PIKFYVE: variants seen among roughly 807,000 people sequenced by gnomAD.
The protein encoded by PIKFYVE is phosphoinositide kinase, FYVE-type zinc finger containing.
PIKFYVE carries 122 observed loss-of-function variants against 257.9 expected under a neutral mutation model. That is an observed-to-expected ratio of 0.47 (90% CI 0.41 to 0.55). The LOEUF is 0.55. Among genes scored for constraint, PIKFYVE ranks in the 20% least tolerant of loss-of-function variants. The pLI is 0.00. For missense variants in PIKFYVE, 2,160 were observed against 2,536.6 expected, an observed-to-expected ratio of 0.85 and a Z score of 3.19; for synonymous variants, 892 against 868.9, an observed-to-expected ratio of 1.03 and a Z score of -0.47.
intron 12 of PIKFYVE, among the ~76,000 whole-genome samples, chr2:208,306,946 T>G (rs1175299369): frequency 6.6e-6 from 1 of 152,014 alleles, no homozygotes; most frequent in African/African-American, 2.4e-5. Context: ...CCTGGCTAAT[T>G]TTTTGTATTT....
chr2:208,286,262 TAATG>T (rs1483431371), intron 6 of PIKFYVE, among the ~76,000 whole-genome samples: 5 of 152,222 alleles, frequency 3.3e-5, no homozygotes, highest in Non-Finnish European at 7.3e-5. Flanking sequence ...TTAATTTAAT[TAATG>T]AACAGAAGTC....
chr2:208,340,880 A>C (rs1048928159), intron 31 of PIKFYVE, among the ~76,000 whole-genome samples: 1 of 152,218 alleles, frequency 6.6e-6, no homozygotes. Flanking sequence ...GATATGTTAC[A>C]TGACAGTAAA....
At chr2:208,350,971 G>C in intron 37 of PIKFYVE, 24 bp downstream of exon 37, 2 of 1,613,722 alleles carry the variant, frequency 1.2e-6, no homozygotes, top group Non-Finnish European at 1.7e-6. Flanking sequence ...ATCGTTTATT[G>C]ATTGGTTCAG....
intron 10 of PIKFYVE, 54 bp from the exon 11 acceptor site, chr2:208,304,117 C>T: frequency 6.4e-7 from 1 of 1,568,390 alleles, no homozygotes; most frequent in Admixed American, 1.7e-5. Flanking sequence ...GTGACAGCCT[C>T]AACATTGTTG....
chr2:208,314,906 AAC>A (rs200893116), intron 14 of PIKFYVE, among the ~76,000 whole-genome samples: 587 of 3,806 alleles, frequency 0.15, 3 homozygotes, highest in African/African-American at 0.17. Context: ...AGAGAAAAAA[AAC>A]AAAAACAAAA....
chr2:208,271,342 GCAGTGTTTT>G (rs1436951216), intron 1 of PIKFYVE, among the ~76,000 whole-genome samples, 160 bp from the exon 2 acceptor site: 1 of 152,188 alleles, frequency 6.6e-6, no homozygotes, highest in Non-Finnish European at 1.5e-5. Flanking sequence ...GATTTAGATA[GCAGTGTTTT>G]CAGTCCTTTG....
rs16840819 is a variant in PIKFYVE, at chr2:208,273,910, G to T, written c.322+177G>T. On this transcript the variant is annotated intron_variant, in intron 3 of 41. Coordinates refer to ENST00000264380, the MANE Select transcript of PIKFYVE (RefSeq NM_015040.4). ...TAAAACTCTTACCTCGGTAGTGAAA[G>T]AATTTATTGACACCTGAAAAAATTC... 10 of 1,405,730 alleles carry T rather than the reference G, an allele frequency of 7.1e-6. No homozygotes were observed. The South Asian group carries it at 9.8e-5, about 14-fold the overall frequency. 87.1% of individuals were successfully genotyped at this position (1,405,730 alleles called of 1,614,324 possible).
intron 5 of PIKFYVE, among the ~76,000 whole-genome samples, chr2:208,285,514 C>T (rs1691453076): frequency 6.6e-6 from 1 of 151,834 alleles, no homozygotes; most frequent in Non-Finnish European, 1.5e-5. Context: ...TTTTTAGTGC[C>T]AGAATTCAAA....
chr2:208,320,640 C>T (rs1350985060), intron 17 of PIKFYVE, among the ~76,000 whole-genome samples: 1 of 152,162 alleles, frequency 6.6e-6, no homozygotes. Flanking sequence ...TCGAACTTAC[C>T]AGATTTCTAA....
rs1699892455 is a variant in PIKFYVE, at chr2:208,352,787, G to A, written c.5844+5G>A. On this transcript the variant is annotated splice_donor_5th_base_variant and intron_variant, in intron 39 of 41. Transcript: ENST00000264380. ...TACGGGAGAAAGATGGCACAGGTAA[G>A]GGTATTGGACTATGTGAAGCATTTA... 2.5e-6 allele frequency: 4 copies of A among 1,612,372 alleles called. No homozygotes were observed. In the Admixed American group the frequency reaches 5.0e-5, roughly 20 times the overall value.
intron 1 of PIKFYVE, 94 bp from the exon 2 acceptor site, chr2:208,271,417 G>A (rs903508009): frequency 8.3e-7 from 1 of 1,208,848 alleles, no homozygotes; most frequent in African/African-American, 1.5e-5. Flanking sequence ...ACTTTTCACA[G>A]AATAGGATTT....
In PIKFYVE at chr2:208,324,148, G is replaced by A; in HGVS notation, c.2197G>A (p.Glu733Lys). ...CIDPIVLQER[E>K]FLKNYVQRIV... ...TCTGATTTATCTTACTTAGGAAAGG[G>A]AATTCTTGAAGAATTATGTCCAGCG... is the stretch of plus-strand genomic sequence containing the variant. Residue 733 changes from glutamate to lysine, a missense_variant, in exon 18 of 42, where the codon GAA (glutamate) becomes AAA (lysine). Physicochemically the swap from Glu to Lys is moderately conservative, Grantham distance 56. This residue lies in a region of PIKFYVE where 346 missense variants were observed against 365.6 expected (regional missense o/e 0.95). Coordinates refer to ENST00000264380, the MANE Select transcript of PIKFYVE (RefSeq NM_015040.4). 1 of 1,613,154 alleles carries A rather than the reference G, an allele frequency of 6.2e-7. No individual in the cohort carries two copies. Among genetic ancestry groups the A allele is most frequent in the Non-Finnish European group, 8.5e-7 (1 of 1,179,178 alleles).
chr2:208,314,404 C>T lies in PIKFYVE; in HGVS notation c.1807C>T (p.Gln603Ter). The T allele has an allele frequency of 6.2e-7, 1 of 1,613,904 alleles. No individual in the cohort carries two copies. Residue 603 changes from glutamine to a stop codon, truncating the protein, a stop_gained, in exon 14 of 42, where the codon CAA (glutamine) becomes TAA (stop). Transcript: ENST00000264380. LOFTEE classifies it high-confidence loss of function. ...ELLREENGEK[Q>*]AMERLLSANH... ...CCTGAGGGAGGAGAATGGGGAGAAA[C>T]AAGCCATGGAGAGGTTGCTGTAAGG...
rs192736349 is a variant in PIKFYVE, at chr2:208,273,295, A to G, written c.173-289A>G. Reference sequence around the variant, plus strand: ...CCTGTAATTTTGCCTCCTTCTTTGAATTTTCTTTTTTTAAAATCTAGGCTG... The same window carrying G: ...CCTGTAATTTTGCCTCCTTCTTTGAGTTTTCTTTTTTTAAAATCTAGGCTG... On this transcript the variant is annotated intron_variant, in intron 2 of 41. Transcript: ENST00000264380. Among the ~76,000 whole-genome samples the G allele has an allele frequency of 1.2e-4, 19 of 152,102 alleles. No homozygotes were observed. In the East Asian group the frequency reaches 3.5e-3, roughly 28 times the overall value.
At chr2:208,349,931 A>G (rs1297497288) in intron 35 of PIKFYVE, 93 bp from the exon 36 acceptor site, 1 of 1,552,046 alleles carries the variant, frequency 6.4e-7, no homozygotes, top group Non-Finnish European at 8.7e-7. Context: ...TAATTTGCTA[A>G]GTTTTTTTGT....
chr2:208,332,826 G>A (rs527874748), intron 23 of PIKFYVE, among the ~76,000 whole-genome samples: 1 of 151,864 alleles, frequency 6.6e-6, no homozygotes, highest in Non-Finnish European at 1.5e-5. Context: ...TGATGTTGTT[G>A]GTGGATTTAT....
chr2:208,343,368 T>C (rs1698904333), intron 32 of PIKFYVE, among the ~76,000 whole-genome samples: 1 of 152,198 alleles, frequency 6.6e-6, no homozygotes, highest in South Asian at 2.1e-4. Context: ...AGGTAAAATT[T>C]TTCTACTTAG....
At chr2:208,328,083 A>G in intron 20 of PIKFYVE, 97 bp from the exon 21 acceptor site, 1 of 1,595,552 alleles carries the variant, frequency 6.3e-7, no homozygotes, top group African/African-American at 1.3e-5. Flanking sequence ...CCACAGTGAT[A>G]ATTGGAGGCT....
Position 208,277,542 on chromosome 2 carries a change from T to A in PIKFYVE, c.447T>A (p.Ser149Arg). 6.2e-7 allele frequency: 1 copy of A among 1,613,730 alleles called. No homozygotes were observed. The highest frequency in any genetic ancestry group is 8.5e-7 in the Non-Finnish European group (1 of 1,179,634). ...ACACATTTTTATTGTTATAGGATAG[T>A]GACCTGAAACAATACTGGATGCCAG... ...KEIMEGKSQDSDLKQYWMPDS... is the reference protein window; with the variant it reads ...KEIMEGKSQDRDLKQYWMPDS... Residue 149 changes from serine to arginine, a missense_variant, in exon 5 of 42, where the codon AGT (serine) becomes AGA (arginine). Physicochemically the swap from Ser to Arg is moderately radical, Grantham distance 110. Around this residue, in one of 12 missense-constraint regions of PIKFYVE, gnomAD observed 172 missense variants for 180.6 expected, o/e 0.95. Transcript: ENST00000264380.
Sources: allele counts gnomAD v4.1 joint callset (sites outside exome capture counted in the v4.1 genomes callset), GRCh38; gene constraint gnomAD v4.1.1; regional missense constraint gnomAD v4.1.1; transcripts MANE v1.5; gene names NCBI Gene and HGNC (gene_info 2026-07-23, HGNC 2026-07-21).